The following NCKAP5 variants were observed in gnomAD, a reference collection of about 807,000 sequenced individuals.
NCKAP5 encodes NCK associated protein 5, also known as nck-associated protein 5.
In NCKAP5, 92 loss-of-function variants were observed where a neutral mutation model predicts 167.0. The observed-to-expected ratio is 0.55, with a 90% CI of 0.47 to 0.66. The LOEUF (loss-of-function observed/expected upper bound fraction) is 0.66. NCKAP5 is among the 30% of genes least tolerant of loss of function. The pLI is 0.00. For synonymous variants in NCKAP5, 891 were observed against 877.4 expected, an observed-to-expected ratio of 1.02 and a Z score of -0.27; for missense variants, 2,378 against 2,315.0, an observed-to-expected ratio of 1.03 and a Z score of -0.56.
At chr2:132,979,259 G>A (rs1445502142) in intron 7 of NCKAP5, among the ~76,000 whole-genome samples, 3 of 152,016 alleles carry the variant, frequency 2.0e-5, no homozygotes, top group African/African-American at 7.2e-5. Context: ...TTTCATTTAG[G>A]CCATAATGTC....
chr2:132,801,156 G>T (rs565485991), intron 11 of NCKAP5, among the ~76,000 whole-genome samples: 14 of 152,112 alleles, frequency 9.2e-5, no homozygotes, highest in Non-Finnish European at 1.8e-4. Context: ...AGCAACCTTG[G>T]AAGCCACTTG....
At chr2:132,691,794 A>G (rs1165678641) in intron 19 of NCKAP5, among the ~76,000 whole-genome samples, 3 of 152,048 alleles carry the variant, frequency 2.0e-5, no homozygotes, top group Admixed American at 6.6e-5. Flanking sequence ...CCAACCACAG[A>G]CATTCCCACC....
At chr2:132,681,998 G>A (rs1052960744) in intron 19 of NCKAP5, among the ~76,000 whole-genome samples, 1 of 152,192 alleles carries the variant, frequency 6.6e-6, no homozygotes, top group Admixed American at 6.5e-5. Flanking sequence ...TGCAATTCAT[G>A]TTTTGGGTCA....
chr2:133,330,965 C>G (rs1311813640), intron 3 of NCKAP5, among the ~76,000 whole-genome samples: 7 of 152,254 alleles, frequency 4.6e-5, no homozygotes, highest in Admixed American at 3.9e-4. Context: ...AATACATACA[C>G]AGACATACAT....
At chr2:133,049,331 G>A (rs2079520041) in intron 6 of NCKAP5, among the ~76,000 whole-genome samples, 1 of 152,080 alleles carries the variant, frequency 6.6e-6, no homozygotes. Flanking sequence ...GGATCCCGAG[G>A]TCAGGAGATT....
intron 5 of NCKAP5, among the ~76,000 whole-genome samples, chr2:133,196,521 T>C (rs562198579): frequency 6.6e-6 from 1 of 152,306 alleles, no homozygotes; most frequent in East Asian, 1.9e-4. Context: ...GGAGTAGAAC[T>C]ACCACAGTCT....
chr2:132,893,122 A>T (rs116406382), intron 8 of NCKAP5, among the ~76,000 whole-genome samples: 1,825 of 152,324 alleles, frequency 0.012, 25 homozygotes, highest in Non-Finnish European at 0.019. Context: ...ATTACACACC[A>T]ACCCAACTGG....
chr2:132,854,451 T>G (rs1394573308), intron 11 of NCKAP5, among the ~76,000 whole-genome samples: 2 of 152,052 alleles, frequency 1.3e-5, no homozygotes, highest in Non-Finnish European at 1.5e-5. Flanking sequence ...ATTCCAGGAG[T>G]ACCTCCAAAG....
At chr2:133,259,754 T>C (rs539184029) in intron 4 of NCKAP5, among the ~76,000 whole-genome samples, 177 of 152,340 alleles carry the variant, frequency 1.2e-3, no homozygotes, top group African/African-American at 3.6e-3. Context: ...CAACGATTCA[T>C]AGGAAGAGAA....
chr2:132,877,748 T>A (rs1691393510), intron 9 of NCKAP5, among the ~76,000 whole-genome samples: 1 of 152,116 alleles, frequency 6.6e-6, no homozygotes, highest in Non-Finnish European at 1.5e-5. Context: ...CCCATTGACT[T>A]CTGAGACAGT....
At chr2:132,767,296 G>A (rs1681586986) in intron 16 of NCKAP5, among the ~76,000 whole-genome samples, 1 of 151,960 alleles carries the variant, frequency 6.6e-6, no homozygotes, top group Non-Finnish European at 1.5e-5. Context: ...GCCCAGGCTG[G>A]AGTGCAATGG....
intron 3 of NCKAP5, among the ~76,000 whole-genome samples, chr2:133,352,868 A>C (rs1684462379): frequency 6.6e-6 from 1 of 152,204 alleles, no homozygotes; most frequent in Admixed American, 6.5e-5. Flanking sequence ...ATTTGAATGA[A>C]ATTTCCAGAA....
chr2:132,999,492 G>A (rs1393396934), intron 6 of NCKAP5, among the ~76,000 whole-genome samples: 3 of 152,120 alleles, frequency 2.0e-5, no homozygotes, highest in African/African-American at 4.8e-5. Flanking sequence ...GAGCTGGTCC[G>A]TCTAGACACC....
chr2:133,263,512 T>A lies in NCKAP5; in HGVS notation c.143+39525A>T, dbSNP rs557450560. On this transcript the variant is annotated intron_variant, in intron 4 of 19. Transcript: ENST00000409261. ...GTAAAACTTCTTTGAACAAAAGTTT[T>A]CAAAATGATACACAAGATCAGCATG... Among the ~76,000 whole-genome samples, 8 of 152,146 alleles carry A rather than the reference T, an allele frequency of 5.3e-5. 1 individual carries two copies. Among genetic ancestry groups the A allele is most frequent in the African/African-American group, 1.9e-4 (8 of 41,506 alleles).
chr2:132,691,071 T>G (rs1039197490), intron 19 of NCKAP5, among the ~76,000 whole-genome samples: 18 of 152,296 alleles, frequency 1.2e-4, no homozygotes, highest in Admixed American at 2.0e-4. Context: ...TTCCCTCTAC[T>G]GAAAGGCCTA....
intron 8 of NCKAP5, among the ~76,000 whole-genome samples, chr2:132,879,721 A>G (rs1001258333): frequency 1.3e-5 from 2 of 152,180 alleles, no homozygotes; most frequent in Admixed American, 1.3e-4. Flanking sequence ...CTAAGCCCAC[A>G]AGCAATCTTG....
intron 19 of NCKAP5, among the ~76,000 whole-genome samples, chr2:132,711,176 C>T (rs1688809229): frequency 6.6e-6 from 1 of 152,122 alleles, no homozygotes; most frequent in African/African-American, 2.4e-5. Context: ...CCAGGAAATC[C>T]TAGAATATGG....
chr2:133,362,428 C>T lies in NCKAP5; in HGVS notation c.70-59318G>A, dbSNP rs1252451513. 8.6e-5 allele frequency among the ~76,000 whole-genome samples: 13 copies of T among 152,024 alleles called. No homozygotes were observed. The East Asian group carries it at 1.7e-3, about 20-fold the overall frequency. ...GGGAATCATGATGAGTCAGAGGGGC[C>T]CCATATTAAGAACAGAAAAATGTGT... is the stretch of plus-strand genomic sequence containing the variant. On this transcript the variant is annotated intron_variant, in intron 3 of 19. Transcript: ENST00000409261.
intron 5 of NCKAP5, among the ~76,000 whole-genome samples, chr2:133,136,307 G>A (rs1162298361): frequency 6.6e-6 from 1 of 152,094 alleles, no homozygotes; most frequent in Non-Finnish European, 1.5e-5. Context: ...TATATCAGTG[G>A]GTGGTAATAC....
Sources: gnomAD v4.1 joint callset for allele counts (sites outside exome capture counted in the v4.1 genomes callset) on GRCh38, gnomAD v4.1.1 for gene constraint, MANE v1.5 for transcripts, NCBI Gene and HGNC (gene_info 2026-07-23, HGNC 2026-07-21) for gene names.